The following AGMO variants were observed in gnomAD, a reference collection of about 807,000 sequenced individuals.
AGMO encodes glyceryl-ether monooxygenase.
Under a neutral mutation model 60.2 loss-of-function variants are expected in AGMO, and 75 were observed. The ratio of observed to expected loss-of-function variants is 1.25; its 90% confidence interval spans 1.03 to 1.51. The LOEUF (loss-of-function observed/expected upper bound fraction) is 1.51, where lower values mean the gene tolerates loss of function less well. Among genes scored for constraint, AGMO ranks in the 40% most tolerant of loss-of-function variants. The pLI is 0.00. For missense variants in AGMO, 763 were observed against 525.5 expected (o/e 1.45, Z -4.42); for synonymous variants, 261 against 177.1 (o/e 1.47, Z -3.76).
intron 12 of AGMO, among the ~76,000 whole-genome samples, chr7:15,206,039 C>T (rs879362940): frequency 6.6e-6 from 1 of 151,944 alleles, no homozygotes; most frequent in Non-Finnish European, 1.5e-5. Context: ...CACTTTTTAA[C>T]ACAATGTTTT....
chr7:15,482,272 T>C (rs1397636934), intron 3 of AGMO, among the ~76,000 whole-genome samples: 1 of 151,942 alleles, frequency 6.6e-6, no homozygotes, highest in Non-Finnish European at 1.5e-5. Flanking sequence ...AACAAGGCTG[T>C]CTAAGAAAAT....
At chr7:15,495,108 T>G (rs954018300) in intron 3 of AGMO, among the ~76,000 whole-genome samples, 1 of 152,254 alleles carries the variant, frequency 6.6e-6, no homozygotes, top group Non-Finnish European at 1.5e-5. Context: ...TAATTTAATG[T>G]GTTATATGTA....
At chr7:15,407,091 T>C in intron 5 of AGMO, among the ~76,000 whole-genome samples, 1 of 146,062 alleles carries the variant, frequency 6.8e-6, no homozygotes, top group Non-Finnish European at 1.5e-5. Context: ...TATATACACA[T>C]ATATACATAT....
At chr7:15,277,200 C>G (rs575886179) in intron 12 of AGMO, among the ~76,000 whole-genome samples, 1 of 151,716 alleles carries the variant, frequency 6.6e-6, no homozygotes, top group East Asian at 1.9e-4. Flanking sequence ...CCCAGCTAGT[C>G]GGGAGGCTGA....
rs140354782 is a variant in AGMO at position 15,311,745 on chromosome 7, G to C, written c.1263+53769C>G. On this transcript the variant is annotated intron_variant, in intron 12 of 12. Transcript: ENST00000342526. ...ACAAGAAAACAAAGCATTTAAGTGA[G>C]AACACACACAAACAGTGGAAAATAG... 8.5e-5 allele frequency among the ~76,000 whole-genome samples: 13 copies of C among 152,154 alleles called. No homozygotes were observed. In the East Asian group the frequency reaches 2.3e-3, roughly 27 times the overall value.
chr7:15,519,089 G>A (rs1783906741), intron 3 of AGMO, among the ~76,000 whole-genome samples: 2 of 151,574 alleles, frequency 1.3e-5, no homozygotes, highest in African/African-American at 2.4e-5. Context: ...TCAACTTAAT[G>A]AAATAAAACA....
intron 12 of AGMO, among the ~76,000 whole-genome samples, chr7:15,257,728 T>C (rs1340233001): frequency 6.6e-6 from 1 of 152,182 alleles, no homozygotes; most frequent in Non-Finnish European, 1.5e-5. Flanking sequence ...ATAAGAAAGA[T>C]AATTAAAAAC....
intron 12 of AGMO, among the ~76,000 whole-genome samples, chr7:15,316,985 A>G (rs1780945419): frequency 6.6e-6 from 1 of 152,218 alleles, no homozygotes; most frequent in African/African-American, 2.4e-5. Context: ...CAGGATGAAC[A>G]TAAGCAAAAG....
intron 5 of AGMO, among the ~76,000 whole-genome samples, chr7:15,402,126 T>A (rs1784566185): frequency 6.6e-6 from 1 of 152,090 alleles, no homozygotes; most frequent in Non-Finnish European, 1.5e-5. Context: ...TAAAATGAAG[T>A]TTGAAAATGA....
chr7:15,556,176 A>G (rs1207068866), intron 2 of AGMO, among the ~76,000 whole-genome samples: 1 of 150,764 alleles, frequency 6.6e-6, no homozygotes, highest in Non-Finnish European at 1.5e-5. Context: ...CCCACCCCAA[A>G]GAGTCAAAAA....
intron 3 of AGMO, among the ~76,000 whole-genome samples, chr7:15,441,066 A>C (rs1413313992): frequency 6.6e-6 from 1 of 152,196 alleles, no homozygotes; most frequent in African/African-American, 2.4e-5. Flanking sequence ...TGACATGCAT[A>C]AAGAGCTTTT....
intron 12 of AGMO, among the ~76,000 whole-genome samples, chr7:15,365,083 C>T (rs1346752520): frequency 6.6e-6 from 1 of 151,938 alleles, no homozygotes; most frequent in Non-Finnish European, 1.5e-5. Context: ...GACTTTATTT[C>T]TGTAGAATGA....
chr7:15,202,275 G>C lies in AGMO; in HGVS notation c.1264-916C>G, dbSNP rs190605460. Among the ~76,000 whole-genome samples the C allele has an allele frequency of 2.2e-3, 339 of 151,904 alleles. 2 individuals carry two copies. The highest frequency in any genetic ancestry group is 3.3e-3 in the African/African-American group (138 of 41,456). The stretch of plus-strand genomic sequence containing the variant: ...TGGAAGATTCACTGAAATATACAAA[G>C]AGAGAACATTTAATTAAGAAGATGA... On this transcript the variant is annotated intron_variant, in intron 12 of 12. Coordinates refer to ENST00000342526, the MANE Select transcript of AGMO (RefSeq NM_001004320.2).
chr7:15,516,978 CTT>C (rs567346427), intron 3 of AGMO, among the ~76,000 whole-genome samples: 1 of 147,964 alleles, frequency 6.8e-6, no homozygotes, highest in East Asian at 2.0e-4. Context: ...ACACAAGAGT[CTT>C]TTTTTTTTGA....
chr7:15,212,558 C>T (rs1781625369), intron 12 of AGMO, among the ~76,000 whole-genome samples: 2 of 151,998 alleles, frequency 1.3e-5, no homozygotes, highest in South Asian at 4.1e-4. Flanking sequence ...AAATATTTTA[C>T]TAAAATGAGA....
intron 3 of AGMO, among the ~76,000 whole-genome samples, chr7:15,471,919 G>A (rs1220102394): frequency 6.6e-6 from 1 of 151,842 alleles, no homozygotes; most frequent in Non-Finnish European, 1.5e-5. Flanking sequence ...GGAAGTCTTA[G>A]AAGTATAGGC....
the AGMO span, among the ~76,000 whole-genome samples, chr7:15,187,978 T>C: frequency 6.6e-6 from 1 of 152,092 alleles, no homozygotes; most frequent in Admixed American, 6.6e-5. Flanking sequence ...TCAACTGACA[T>C]TATGTCTTTC....
chr7:15,237,414 T>A (rs1251617732), intron 12 of AGMO, among the ~76,000 whole-genome samples: 1 of 152,120 alleles, frequency 6.6e-6, no homozygotes, highest in Non-Finnish European at 1.5e-5. Context: ...AAAGGTCTAG[T>A]GACCCTTTAA....
chr7:15,527,571 C>G (rs1784159249), intron 3 of AGMO, among the ~76,000 whole-genome samples: 1 of 152,106 alleles, frequency 6.6e-6, no homozygotes, highest in Non-Finnish European at 1.5e-5. Flanking sequence ...GATCTGGAAG[C>G]TACAGTAAGT....
Sources: allele counts gnomAD v4.1 joint callset (sites outside exome capture counted in the v4.1 genomes callset), GRCh38; gene constraint gnomAD v4.1.1; transcripts MANE v1.5; gene names NCBI Gene and HGNC (gene_info 2026-07-23, HGNC 2026-07-21).